The following UBE2E2 variants were observed in gnomAD, a reference collection of about 807,000 sequenced individuals.
The protein encoded by UBE2E2 is ubiquitin conjugating enzyme E2 E2, also known as ubiquitin-conjugating enzyme E2 E2.
In UBE2E2, 6 loss-of-function variants were observed where a neutral mutation model predicts 24.7. The ratio of observed to expected loss-of-function variants is 0.24; its 90% confidence interval spans 0.13 to 0.48. The LOEUF is 0.48. Among genes scored for constraint, UBE2E2 ranks in the 20% least tolerant of loss-of-function variants. The pLI is 0.99. For missense variants in UBE2E2, 169 were observed against 245.0 expected (o/e 0.69, Z 2.07); for synonymous variants, 104 against 83.6 (o/e 1.24, Z -1.33).
intron 3 of UBE2E2, among the ~76,000 whole-genome samples, chr3:23,356,432 A>T (rs146352233): frequency 2.6e-5 from 4 of 152,334 alleles, no homozygotes; most frequent in African/African-American, 9.6e-5. Context: ...TGAGGTTAGG[A>T]CTAAGGCTTC....
At chr3:23,272,717 A>G (rs1325156635) in intron 3 of UBE2E2, among the ~76,000 whole-genome samples, 1 of 152,160 alleles carries the variant, frequency 6.6e-6, no homozygotes. Context: ...TGGCTCATGC[A>G]ATTATGGAGA....
intron 3 of UBE2E2, among the ~76,000 whole-genome samples, chr3:23,413,141 A>G (rs1296155557): frequency 6.6e-6 from 1 of 152,042 alleles, no homozygotes; most frequent in South Asian, 2.1e-4. Context: ...GCACATGTAT[A>G]CATATGTAAC....
rs113748775 is a variant in UBE2E2, at chr3:23,240,020, A to G, written c.227+22708A>G. Among the ~76,000 whole-genome samples the G allele has an allele frequency of 8.1e-3, 1,235 of 152,270 alleles. 14 individuals are homozygous for G. The highest frequency in any genetic ancestry group is 0.027 in the African/African-American group (1,134 of 41,566). ...CATGATGCCAGCCTTGTCCTGGGGT[A>G]TAACTTTTTTATGGATCATAAAGGA... On this transcript the variant is annotated intron_variant, in intron 3 of 5. Transcript: ENST00000396703.
At chr3:23,581,544 A>G (rs1696478211) in intron 5 of UBE2E2, among the ~76,000 whole-genome samples, 1 of 152,220 alleles carries the variant, frequency 6.6e-6, no homozygotes, top group Non-Finnish European at 1.5e-5. Flanking sequence ...ATAACAAACT[A>G]TGAAGTGTAG....
At position 23,440,915 on chromosome 3, in the gene UBE2E2, C is replaced by G. The variant is rs572421645; in HGVS notation, c.228-58693C>G. 1.2e-4 allele frequency among the ~76,000 whole-genome samples: 18 copies of G among 152,192 alleles called. No homozygotes were observed. The South Asian group carries it at 3.7e-3, about 32-fold the overall frequency. On this transcript the variant is annotated intron_variant, in intron 3 of 5. Coordinates refer to ENST00000396703, the MANE Select transcript of UBE2E2 (RefSeq NM_152653.4). The stretch of plus-strand genomic sequence containing the variant: ...CTGTATATTTAAATCCTAAGAGACT[C>G]GCTTATTGTGAGTAGGCAGGGTCAG...
chr3:23,354,776 T>C (rs1289855288), intron 3 of UBE2E2, among the ~76,000 whole-genome samples: 3 of 152,200 alleles, frequency 2.0e-5, no homozygotes, highest in African/African-American at 4.8e-5. Flanking sequence ...TTTACACTGT[T>C]GGTGGGAATG....
intron 3 of UBE2E2, among the ~76,000 whole-genome samples, chr3:23,319,275 A>T (rs1472596736): frequency 1.3e-5 from 2 of 152,170 alleles, no homozygotes; most frequent in Non-Finnish European, 2.9e-5. Flanking sequence ...TCTCTTGCTG[A>T]TGTTCTCTTC....
In UBE2E2 at chr3:23,207,489, G is replaced by A. The variant is rs140472019; in HGVS notation, c.-8-1203G>A. 1.7e-3 allele frequency among the ~76,000 whole-genome samples: 252 copies of A among 152,198 alleles called. 3 individuals are homozygous for A. Among genetic ancestry groups the A allele is most frequent in the African/African-American group, 5.7e-3 (236 of 41,544 alleles). ...TGAAATATGGTTGCTTTAGTATATA[G>A]CTGAATGCTGTCATATGGTTCAATT... On this transcript the variant is annotated intron_variant, in intron 1 of 5. Coordinates refer to ENST00000396703, the MANE Select transcript of UBE2E2 (RefSeq NM_152653.4).
chr3:23,305,046 G>T (rs928617023), intron 3 of UBE2E2, among the ~76,000 whole-genome samples: 1 of 152,096 alleles, frequency 6.6e-6, no homozygotes, highest in Non-Finnish European at 1.5e-5. Flanking sequence ...TAACACCACC[G>T]ATCTTAGAAA....
chr3:23,478,195 T>G (rs1699179187), intron 3 of UBE2E2, among the ~76,000 whole-genome samples: 1 of 152,252 alleles, frequency 6.6e-6, no homozygotes, highest in African/African-American at 2.4e-5. Flanking sequence ...GTATTTATTA[T>G]GTGGCAGACA....
chr3:23,530,015 A>G (rs1034788404), intron 4 of UBE2E2, among the ~76,000 whole-genome samples: 8 of 152,206 alleles, frequency 5.3e-5, no homozygotes, highest in African/African-American at 1.9e-4. Context: ...TTCAGCAATA[A>G]TAGTAACTGA....
intron 3 of UBE2E2, among the ~76,000 whole-genome samples, chr3:23,430,871 A>C (rs1698044641): frequency 6.6e-6 from 1 of 152,198 alleles, no homozygotes; most frequent in African/African-American, 2.4e-5. Context: ...TATACATAAG[A>C]ATCAAATACA....
At chr3:23,518,606 A>G (rs1385059780) in intron 4 of UBE2E2, among the ~76,000 whole-genome samples, 2 of 152,122 alleles carry the variant, frequency 1.3e-5, no homozygotes, top group East Asian at 3.9e-4. Flanking sequence ...GGCTCTTCTC[A>G]TATATTTGCT....
intron 3 of UBE2E2, among the ~76,000 whole-genome samples, chr3:23,379,931 T>G (rs910971048): frequency 6.6e-6 from 1 of 152,014 alleles, no homozygotes; most frequent in Non-Finnish European, 1.5e-5. Flanking sequence ...AAGTGAGAGA[T>G]AAGTTTGGAA....
intron 4 of UBE2E2, among the ~76,000 whole-genome samples, chr3:23,502,290 C>G (rs762697357): frequency 6.6e-6 from 1 of 150,448 alleles, no homozygotes; most frequent in Non-Finnish European, 1.5e-5. Context: ...TTTCCCAATA[C>G]TCTGAAGAAT....
intron 3 of UBE2E2, among the ~76,000 whole-genome samples, chr3:23,451,039 A>G (rs1311661365): frequency 6.6e-6 from 1 of 152,204 alleles, no homozygotes; most frequent in Non-Finnish European, 1.5e-5. Context: ...ACTTCTTGGA[A>G]GATTTGGGAA....
intron 4 of UBE2E2, among the ~76,000 whole-genome samples, chr3:23,501,910 A>AG (rs544028315): frequency 2.5e-3 from 386 of 152,204 alleles, no homozygotes; most frequent in South Asian, 0.014. Flanking sequence ...ATCTCTAAGG[A>AG]GAAAAAAAAA....
intron 3 of UBE2E2, among the ~76,000 whole-genome samples, chr3:23,372,424 T>G (rs1316292191): frequency 1.3e-5 from 2 of 152,234 alleles, no homozygotes; most frequent in African/African-American, 4.8e-5. Context: ...AACACTGACC[T>G]CTGTTTCAGA....
At chr3:23,478,859 AGG>A (rs1699192905) in intron 3 of UBE2E2, among the ~76,000 whole-genome samples, 1 of 150,910 alleles carries the variant, frequency 6.6e-6, no homozygotes, top group African/African-American at 2.4e-5. Flanking sequence ...TGGGCAAAAT[AGG>A]GAAAGCCCAT....
Sources: allele counts gnomAD v4.1 joint callset (sites outside exome capture counted in the v4.1 genomes callset), GRCh38; gene constraint gnomAD v4.1.1; transcripts MANE v1.5; gene names NCBI Gene and HGNC (gene_info 2026-07-23, HGNC 2026-07-21).